The following TUBG2 variants were observed in gnomAD, a reference collection of about 807,000 sequenced individuals.
TUBG2 encodes the protein tubulin gamma 2, also known as tubulin gamma-2 chain.
A neutral mutation model predicts 55.1 loss-of-function variants in TUBG2; 39 were observed. That is an observed-to-expected ratio of 0.71 (90% confidence interval 0.55 to 0.93). The LOEUF (loss-of-function observed/expected upper bound fraction) is 0.93, where lower values mean the gene tolerates loss of function less well. Among genes scored for constraint, TUBG2 ranks in the 40% least tolerant of loss-of-function variants. TUBG2 has a pLI of 0.00. For missense variants in TUBG2, 358 were observed against 599.1 expected, an observed-to-expected ratio of 0.60 and a Z score of 4.20; for synonymous variants, 223 against 241.0, an observed-to-expected ratio of 0.93 and a Z score of 0.69.
In TUBG2 at chr17:42,666,742, A is replaced by T. The variant is rs373245934; in HGVS notation, c.1298A>T (p.Asp433Val). Residue 433 changes from aspartate (D) to valine (V), a missense_variant, in exon 11 of 11, where the codon GAT (aspartate) becomes GTT (valine). This residue lies in a region of TUBG2 where 54 missense variants were observed against 50.2 expected (regional missense o/e 1.08). Coordinates refer to ENST00000251412, the MANE Select transcript of TUBG2 (RefSeq NM_016437.3). ...AGGGAGGTTGTTCAGGAGCTCATTG[A>T]TGAGTACCATGCGGCCACCCAGCCA... ...RSREVVQELI[D>V]EYHAATQPDY... 2 of 1,613,972 alleles carry T rather than the reference A, an allele frequency of 1.2e-6. No individual in the cohort carries two copies. Among genetic ancestry groups the T allele is most frequent in the Admixed American group, 1.7e-5 (1 of 59,996 alleles).
At chr17:42,666,512 A>T in intron 10 of TUBG2, 28 bp downstream of exon 10, 1 of 1,613,738 alleles carries the variant, frequency 6.2e-7, no homozygotes, top group Non-Finnish European at 8.5e-7. Context: ...TTCTTCTTAG[A>T]AGAGTCTGTT....
intron 4 of TUBG2, among the ~76,000 whole-genome samples, chr17:42,662,133 C>T (rs1459686377): frequency 6.6e-6 from 1 of 152,152 alleles, no homozygotes; most frequent in Non-Finnish European, 1.5e-5. Flanking sequence ...GGTGAAACCC[C>T]ATCTCTGCAA....
intron 10 of TUBG2, 45 bp downstream of exon 10, chr17:42,666,529 G>T: frequency 6.2e-7 from 1 of 1,613,484 alleles, no homozygotes; most frequent in African/African-American, 1.3e-5. Flanking sequence ...TGTTCCACTG[G>T]CCACCTTCAT....
Position 42,660,640 on chromosome 17 carries a change from G to A in TUBG2, c.332G>A (p.Gly111Asp), listed in dbSNP as rs770306853. Residue 111 changes from glycine to aspartate, a missense_variant and splice_region_variant, in exon 4 of 11, where the codon GGT becomes GAT. This residue lies in a region of TUBG2 where 30 missense variants were observed against 52.8 expected (regional missense o/e 0.57). Coordinates refer to ENST00000251412, the MANE Select transcript of TUBG2 (RefSeq NM_016437.3). The part of the protein sequence containing the change: ...GNNWASGFSQ[G>D]EKIHEDIFDI... Reference sequence around the variant, plus strand: ...CTCCCTTTCCATATCTCTATACAGGGTGAGAAAATTCATGAAGACATCTTT... The same window carrying A: ...CTCCCTTTCCATATCTCTATACAGGATGAGAAAATTCATGAAGACATCTTT... 2.5e-6 allele frequency: 4 copies of A among 1,614,014 alleles called. No individual in the cohort carries two copies. Among genetic ancestry groups the A allele is most frequent in the Non-Finnish European group, 2.5e-6 (3 of 1,179,930 alleles).
chr17:42,665,358 T>C, intron 6 of TUBG2, 118 bp from the exon 7 acceptor site: 1 of 1,545,152 alleles, frequency 6.5e-7, no homozygotes, highest in Non-Finnish European at 8.9e-7. Flanking sequence ...CAGTACTTTT[T>C]TTTTTTAAAC....
At chr17:42,663,715 G>T (rs1027440448) in intron 6 of TUBG2, among the ~76,000 whole-genome samples, 4 of 152,068 alleles carry the variant, frequency 2.6e-5, no homozygotes, top group Non-Finnish European at 4.4e-5. Flanking sequence ...AGGCTGAGAC[G>T]GGCGGATCAC....
rs73301675 is a variant in TUBG2, at chr17:42,664,496, C to T, written c.607-980C>T. ...AGTGAATATACCTTCCCCACACCAC[C>T]ACGTATCCCACCTTTGCCTACTTAA... On this transcript the variant is annotated intron_variant, in intron 6 of 10. Coordinates refer to ENST00000251412, the MANE Select transcript of TUBG2 (RefSeq NM_016437.3). 9.9e-3 allele frequency among the ~76,000 whole-genome samples: 1,505 copies of T among 152,122 alleles called. 37 individuals carry two copies. The highest frequency in any genetic ancestry group is 0.034 in the African/African-American group (1,429 of 41,498).
chr17:42,661,408 G>A (rs1320205685), intron 4 of TUBG2: 1 of 152,304 alleles, frequency 6.6e-6, no homozygotes, highest in African/African-American at 2.4e-5. Flanking sequence ...CACTGGATGG[G>A]GGGCTGGTTG....
chr17:42,660,815 A>G, intron 4 of TUBG2, 108 bp downstream of exon 4: 1 of 872,638 alleles, frequency 1.1e-6, no homozygotes, highest in South Asian at 1.4e-5. Context: ...TTCAATTCAA[A>G]ACCCGTTTAT....
chr17:42,659,841 C>T lies in TUBG2; in HGVS notation c.57C>T (p.Phe19=). The change falls in exon 2 of 11, where the codon TTC becomes TTT. Residue 19 remains phenylalanine (F), a synonymous_variant. Transcript: ENST00000251412. ...QLGQCGNQIG[F]EFWKQLCAEH... ...ATCTCCCCCCTCCCCCAGTTGGGTT[C>T]GAGTTCTGGAAACAGCTGTGCGCCG... is the stretch of plus-strand genomic sequence containing the variant. 6.2e-7 allele frequency: 1 copy of T among 1,614,124 alleles called. No individual in the cohort carries two copies. Among genetic ancestry groups the T allele is most frequent in the Non-Finnish European group, 8.5e-7 (1 of 1,179,986 alleles).
chr17:42,662,933 G>T (rs775344983), intron 4 of TUBG2, 40 bp from the exon 5 acceptor site: 1 of 1,592,210 alleles, frequency 6.3e-7, no homozygotes, highest in South Asian at 1.1e-5. Context: ...TGAGAGTGTG[G>T]CAGGAGAAAC....
Position 42,666,112 on chromosome 17 carries a change from T to A in TUBG2, c.869T>A (p.Val290Asp), listed in dbSNP as rs2052533424. The A allele has an allele frequency of 6.2e-7, 1 of 1,613,992 alleles. No individual in the cohort carries two copies. Among genetic ancestry groups the A allele is most frequent in the Non-Finnish European group, 8.5e-7 (1 of 1,179,878 alleles). Residue 290 changes from valine (V) to aspartate (D), a missense_variant, in exon 9 of 11, where the codon GTC becomes GAC. Transcript: ENST00000251412. The part of the protein sequence containing the change: ...QSVASVRKTT[V>D]LDVMRRLLQP... ...GTGGCCAGCGTGAGGAAGACCACGG[T>A]CCTGGATGTCATGAGGCGGCTGCTG... is the stretch of plus-strand genomic sequence containing the variant.
chr17:42,662,936 G>A, intron 4 of TUBG2, 37 bp from the exon 5 acceptor site: 4 of 1,599,822 alleles, frequency 2.5e-6, no homozygotes, highest in Non-Finnish European at 3.4e-6. Context: ...GAGTGTGGCA[G>A]GAGAAACTGA....
At chr17:42,664,280 A>T (rs1388020861) in intron 6 of TUBG2, among the ~76,000 whole-genome samples, 2 of 150,648 alleles carry the variant, frequency 1.3e-5, no homozygotes, top group Non-Finnish European at 3.0e-5. Flanking sequence ...TGTGTTTAAA[A>T]AAAAAAAAAA....
intron 6 of TUBG2, 111 bp from the exon 7 acceptor site, chr17:42,665,363 TTA>T: frequency 6.4e-7 from 1 of 1,552,790 alleles, no homozygotes; most frequent in East Asian, 2.3e-5. Context: ...CTTTTTTTTT[TTA>T]AACTAACAAA....
Position 42,666,698 on chromosome 17 carries a change from T to C in TUBG2, c.1254T>C (p.Phe418=). The part of the protein sequence containing the change: ...FRKEDMFKDN[F]DEMDRSREVV... Reference sequence around the variant, plus strand: ...AGGAGGACATGTTCAAGGACAACTTTGATGAGATGGACAGGTCTAGGGAGG... The same window carrying C: ...AGGAGGACATGTTCAAGGACAACTTCGATGAGATGGACAGGTCTAGGGAGG... Residue 418 remains phenylalanine, a synonymous_variant, in exon 11 of 11, where the codon TTT becomes TTC. Coordinates refer to ENST00000251412, the MANE Select transcript of TUBG2 (RefSeq NM_016437.3). 3.1e-6 allele frequency: 5 copies of C among 1,614,174 alleles called. No individual in the cohort carries two copies. Among genetic ancestry groups the C allele is most frequent in the Non-Finnish European group, 4.2e-6 (5 of 1,180,010 alleles).
rs1429871541 is a variant in TUBG2 at position 42,665,525 on chromosome 17, A to C, written c.656A>C (p.His219Pro). The C allele has an allele frequency of 6.2e-7, 1 of 1,614,084 alleles. No homozygotes were observed. Among genetic ancestry groups the C allele is most frequent in the South Asian group, 1.1e-5 (1 of 91,082 alleles). ...ALNRIATDRL[H>P]IQNPSFSQIN... ...AACCGGATTGCCACAGACCGCCTGC[A>C]CATCCAGAACCCGTCCTTCTCCCAG... is the stretch of plus-strand genomic sequence containing the variant. The change falls in exon 7 of 11, where the codon CAC becomes CCC. Residue 219 changes from histidine (H) to proline (P), a missense_variant. By Grantham distance (77) the His-to-Pro change is moderately conservative (BLOSUM62 -2). This residue lies in a region of TUBG2 where 52 missense variants were observed against 53.8 expected (regional missense o/e 0.97). Coordinates refer to ENST00000251412, the MANE Select transcript of TUBG2 (RefSeq NM_016437.3).
Position 42,660,704 on chromosome 17 carries a change from G to A in TUBG2, c.396G>A (p.Leu132=). 1 of 1,614,094 alleles carries A rather than the reference G, an allele frequency of 6.2e-7. No homozygotes were observed. The highest frequency in any genetic ancestry group is 1.1e-5 in the South Asian group (1 of 91,070). ...GAGAAGCAGATGGAAGTGACAGTTT[G>A]GAGGTGAAGTTATGGAGTGGGGGAA... is the stretch of plus-strand genomic sequence containing the variant. ...IDREADGSDS[L]EGFVLCHSIA... is the part of the protein sequence containing the mutation. The change falls in exon 4 of 11, where the codon TTG becomes TTA. Residue 132 remains leucine (L), a synonymous_variant. Transcript: ENST00000251412.
chr17:42,661,645 G>A (rs2052385644), intron 4 of TUBG2, among the ~76,000 whole-genome samples: 1 of 152,262 alleles, frequency 6.6e-6, no homozygotes, highest in South Asian at 2.1e-4. Flanking sequence ...CAAACCCAAC[G>A]CCACAGGGCA....
Sources: gnomAD v4.1 joint callset for allele counts (sites outside exome capture counted in the v4.1 genomes callset) on GRCh38, gnomAD v4.1.1 for gene constraint, gnomAD v4.1.1 regional missense constraint, MANE v1.5 for transcripts, NCBI Gene and HGNC (gene_info 2026-07-23, HGNC 2026-07-21) for gene names.